APBB2: variants seen among roughly 807,000 people sequenced by gnomAD.
The protein encoded by APBB2 is amyloid beta precursor protein binding family B member 2.
APBB2 carries 38 observed loss-of-function variants against 82.5 expected under a neutral mutation model. That is an observed-to-expected ratio of 0.46 (90% CI 0.36 to 0.60). The LOEUF (loss-of-function observed/expected upper bound fraction) is 0.60. APBB2 is among the 20% of genes least tolerant of loss of function. The pLI is 0.00. For synonymous variants in APBB2, 341 were observed against 368.2 expected (o/e 0.93, Z 0.85); for missense variants, 772 against 972.3 (o/e 0.79, Z 2.74).
intron 6 of APBB2, among the ~76,000 whole-genome samples, chr4:40,977,835 G>GGTGT (rs1797564825): frequency 6.6e-6 from 1 of 152,148 alleles, no homozygotes; most frequent in Admixed American, 6.5e-5. Flanking sequence ...ACCTCAAAGA[G>GGTGT]CCTTAGTTCT....
chr4:41,133,149 A>T (rs770644611), intron 2 of APBB2, among the ~76,000 whole-genome samples: 76 of 152,164 alleles, frequency 5.0e-4, no homozygotes, highest in Admixed American at 7.9e-4. Context: ...TGTACACGTA[A>T]GTGTGTATAT....
At chr4:41,133,074 A>T (rs73248262) in intron 2 of APBB2, among the ~76,000 whole-genome samples, 4,398 of 152,332 alleles carry the variant, frequency 0.029, 112 homozygotes, top group Non-Finnish European at 0.045. Context: ...TTTTAAAAAA[A>T]TTATACAAAA....
chr4:41,000,739 T>C (rs1158949468), intron 6 of APBB2, among the ~76,000 whole-genome samples: 3 of 152,156 alleles, frequency 2.0e-5, no homozygotes, highest in African/African-American at 7.2e-5. Context: ...TTCCAGATTA[T>C]TACCAATCCA....
chr4:40,944,836 T>A (rs762139853), intron 7 of APBB2, 29 bp downstream of exon 7: 1 of 1,607,358 alleles, frequency 6.2e-7, no homozygotes, highest in South Asian at 1.1e-5. Context: ...TCTATTCTAC[T>A]AAGCTGGTAA....
intron 12 of APBB2, among the ~76,000 whole-genome samples, chr4:40,847,753 A>G (rs1472415938): frequency 6.6e-6 from 1 of 151,888 alleles, no homozygotes; most frequent in Non-Finnish European, 1.5e-5. Flanking sequence ...AGGGTAGATA[A>G]CATGGAAAGC....
intron 6 of APBB2, among the ~76,000 whole-genome samples, chr4:40,963,611 C>G (rs1352249603): frequency 6.6e-6 from 1 of 152,208 alleles, no homozygotes; most frequent in Non-Finnish European, 1.5e-5. Context: ...AGACTCTGCT[C>G]ATCACACATA....
At chr4:40,997,006 C>T (rs568359201) in intron 6 of APBB2, among the ~76,000 whole-genome samples, 1 of 152,162 alleles carries the variant, frequency 6.6e-6, no homozygotes, top group Non-Finnish European at 1.5e-5. Context: ...CATGAAGGAG[C>T]TGAAACTTAC....
At chr4:41,059,970 A>G (rs1729219619) in intron 4 of APBB2, among the ~76,000 whole-genome samples, 1 of 148,890 alleles carries the variant, frequency 6.7e-6, no homozygotes, top group South Asian at 2.3e-4. Flanking sequence ...ACAAACAGCA[A>G]AACTCCGTCT....
intron 4 of APBB2, among the ~76,000 whole-genome samples, chr4:41,037,532 A>G (rs1719698264): frequency 6.6e-6 from 1 of 152,252 alleles, no homozygotes; most frequent in African/African-American, 2.4e-5. Flanking sequence ...GCTTTGCAGA[A>G]TAACACAATC....
At chr4:41,154,377 G>C (rs995251439) in intron 1 of APBB2, among the ~76,000 whole-genome samples, 1 of 152,172 alleles carries the variant, frequency 6.6e-6, no homozygotes, top group African/African-American at 2.4e-5. Context: ...TCCAACAAAG[G>C]ATGGTCGTCC....
chr4:41,034,270 T>C (rs1274972819), intron 4 of APBB2, among the ~76,000 whole-genome samples: 1 of 151,978 alleles, frequency 6.6e-6, no homozygotes, highest in Non-Finnish European at 1.5e-5. Flanking sequence ...TGAAGTACCA[T>C]GCTGCCCTTA....
chr4:40,890,323 C>A, intron 12 of APBB2, 41 bp downstream of exon 12: 1 of 1,589,472 alleles, frequency 6.3e-7, no homozygotes, highest in Non-Finnish European at 8.6e-7. Context: ...AGACCAGGGA[C>A]ACGGGTGAGG....
chr4:40,924,548 C>G, intron 10 of APBB2, among the ~76,000 whole-genome samples: 1 of 152,088 alleles, frequency 6.6e-6, no homozygotes, highest in East Asian at 1.9e-4. Flanking sequence ...AAGCTGGACA[C>G]CAGGTAAAAA....
At chr4:40,819,174 CTCTTTTTTTTTTT>C (rs373012198) in intron 17 of APBB2, among the ~76,000 whole-genome samples, 51 of 92,674 alleles carry the variant, frequency 5.5e-4, no homozygotes, top group East Asian at 1.3e-3. Flanking sequence ...CCCCTTGGCT[CTCTTTTTTTTTTT>C]TCTTTTTTTT....
intron 4 of APBB2, among the ~76,000 whole-genome samples, chr4:41,052,122 C>G (rs181219236): frequency 6.6e-6 from 1 of 152,046 alleles, no homozygotes; most frequent in Non-Finnish European, 1.5e-5. Flanking sequence ...AATCCCAGCA[C>G]GTTTAGAGGC....
intron 2 of APBB2, among the ~76,000 whole-genome samples, chr4:41,113,730 G>GGT (rs1411152351): frequency 2.6e-4 from 40 of 152,090 alleles, no homozygotes; most frequent in African/African-American, 8.0e-4. Context: ...TGATAATGGT[G>GGT]GTGTACTTTT....
chr4:41,036,437 G>C (rs1719197142), intron 4 of APBB2, among the ~76,000 whole-genome samples: 1 of 152,066 alleles, frequency 6.6e-6, no homozygotes, highest in Non-Finnish European at 1.5e-5. Flanking sequence ...ATAGCCCTGA[G>C]TTATTATCTG....
intron 4 of APBB2, among the ~76,000 whole-genome samples, chr4:41,047,365 T>C (rs988467068): frequency 2.3e-4 from 35 of 152,262 alleles, no homozygotes; most frequent in African/African-American, 8.0e-4. Context: ...AAGTCTTTTA[T>C]TGTTATAGTC....
intron 10 of APBB2, among the ~76,000 whole-genome samples, chr4:40,900,454 G>GTTTT (rs71648936): frequency 7.5e-6 from 1 of 132,740 alleles, no homozygotes; most frequent in Non-Finnish European, 1.6e-5. Flanking sequence ...ACGGAAGGAG[G>GTTTT]TTTTTTTTTT....
Sources: allele counts gnomAD v4.1 joint callset (sites outside exome capture counted in the v4.1 genomes callset), GRCh38; gene constraint gnomAD v4.1.1; transcripts MANE v1.5; gene names NCBI Gene and HGNC (gene_info 2026-07-23, HGNC 2026-07-21).